The following TMEM94 variants were observed in gnomAD, a reference collection of about 807,000 sequenced individuals.
The protein encoded by TMEM94 is ER Mg2+ ATPase.
Under a neutral mutation model 158.6 loss-of-function variants are expected in TMEM94, and 81 were observed. The ratio of observed to expected loss-of-function variants is 0.51; its 90% CI spans 0.43 to 0.61. The LOEUF is 0.61. Among genes scored for constraint, TMEM94 ranks in the 20% least tolerant of loss-of-function variants. TMEM94 has a pLI of 0.00. For synonymous variants in TMEM94, 751 were observed against 730.7 expected (o/e 1.03, Z -0.45); for missense variants, 1,435 against 1,762.0 (o/e 0.81, Z 3.32).
At chr17:75,490,408 G>GGC in intron 10 of TMEM94, 58 bp downstream of exon 10, 1 of 1,573,088 alleles carries the variant, frequency 6.4e-7, no homozygotes, top group Non-Finnish European at 8.6e-7. Flanking sequence ...GGAGCTGGCT[G>GGC]TGCCAGAGGA....
Position 75,489,026 on chromosome 17 carries a change from T to G in TMEM94, c.764+116T>G. ...GGTTCTCTTGAGGGCAGGCATCTCC[T>G]TAGGCTCCTGTCCTTAACATCTTGT... is the stretch of plus-strand genomic sequence containing the variant. On this transcript the variant is annotated intron_variant, in intron 7 of 31. Transcript: ENST00000314256. This position sits in a 1 kb window ranked among gnomAD's most constrained non-coding sequence, Gnocchi z 5.0. 1 of 1,139,792 alleles carries G rather than the reference T, an allele frequency of 8.8e-7. No individual in the cohort carries two copies. The highest frequency in any genetic ancestry group is 1.3e-6 in the Non-Finnish European group (1 of 793,890). 70.6% of individuals were successfully genotyped at this position (1,139,792 alleles called of 1,614,324 possible). A position where few individuals can be genotyped will look rare whatever the true frequency, so the allele number is the denominator to read the frequency against.
At chr17:75,496,176 C>T (rs761735248) in intron 23 of TMEM94, 102 bp downstream of exon 23, 11 of 1,547,602 alleles carry the variant, frequency 7.1e-6, no homozygotes, top group South Asian at 4.5e-5. Flanking sequence ...TAGCCGACCT[C>T]GCCCTGGCTG....
intron 1 of TMEM94, among the ~76,000 whole-genome samples, chr17:75,461,699 G>A (rs1412625389): frequency 1.3e-5 from 2 of 151,374 alleles, no homozygotes; most frequent in South Asian, 2.1e-4. Flanking sequence ...CGAGGTGGGC[G>A]GATCACGAAG....
At chr17:75,496,839 G>A (rs369423281) in intron 25 of TMEM94, 32 bp downstream of exon 25, 24 of 1,598,870 alleles carry the variant, frequency 1.5e-5, no homozygotes, top group East Asian at 4.5e-5. Flanking sequence ...CATTGCCCCC[G>A]TGCCACTCAC....
At position 75,498,401 on chromosome 17, in the gene TMEM94, C is replaced by T; in HGVS notation, c.3639-43C>T. 6.2e-7 allele frequency: 1 copy of T among 1,608,888 alleles called. No homozygotes were observed. The highest frequency in any genetic ancestry group is 8.5e-7 in the Non-Finnish European group (1 of 1,177,076). The stretch of plus-strand genomic sequence containing the variant: ...CTCCCTCCCCACCCCAGCCTACCTC[C>T]CTGCGGCCCTAGAGGGGCTGAGCCC... On this transcript the variant is annotated intron_variant, in intron 28 of 31. Transcript: ENST00000314256. This position sits in a 1 kb window ranked among gnomAD's most constrained non-coding sequence, Gnocchi z 6.7.
At position 75,498,529 on chromosome 17, in the gene TMEM94, C is replaced by T; in HGVS notation, c.3724C>T (p.Leu1242=). The stretch of plus-strand genomic sequence containing the variant: ...GAAGCTCACGGCCGCCCTGATTGTC[C>T]TGCACACTGGTGAGAGGGCTCCCTG... ...AQKLTAALIV[L]HTVFISITHV... The change falls in exon 29 of 32, where the codon CTG becomes TTG. Residue 1242 remains leucine (L), a synonymous_variant. Transcript: ENST00000314256. This position sits in a 1 kb window ranked among gnomAD's most constrained non-coding sequence, Gnocchi z 6.7. The T allele has an allele frequency of 6.2e-7, 1 of 1,609,488 alleles. No individual in the cohort carries two copies. Among genetic ancestry groups the T allele is most frequent in the Non-Finnish European group, 8.5e-7 (1 of 1,177,640 alleles).
At position 75,485,859 on chromosome 17, in the gene TMEM94, C is replaced by G. The variant is rs765382461; in HGVS notation, c.145-12C>G. ...GGCCTCTCATTGTCCCCTCCCTGTC[C>G]GAACTTCCCAGGAGGTGTGGAGAAG... On this transcript the variant is annotated splice_polypyrimidine_tract_variant and intron_variant, in intron 3 of 31. Transcript: ENST00000314256. The surrounding 1 kb of genome is among the most constrained non-coding windows in gnomAD (Gnocchi z 5.5). 6.2e-7 allele frequency: 1 copy of G among 1,604,974 alleles called. No individual in the cohort carries two copies. Among genetic ancestry groups the G allele is most frequent in the Non-Finnish European group, 8.5e-7 (1 of 1,174,654 alleles).
At chr17:75,461,093 CTTTTTT>C (rs59878082) in intron 1 of TMEM94, among the ~76,000 whole-genome samples, 3 of 69,636 alleles carry the variant, frequency 4.3e-5, no homozygotes, top group African/African-American at 1.7e-4. Context: ...TTGCGATTGG[CTTTTTT>C]TTTTTTTTTT....
chr17:75,471,063 C>T (rs2050482738), intron 1 of TMEM94, among the ~76,000 whole-genome samples: 1 of 151,380 alleles, frequency 6.6e-6, no homozygotes, highest in Admixed American at 6.6e-5. Context: ...ATGGTGAAAC[C>T]CCGTCTTTAC....
At chr17:75,467,219 C>G (rs556289068) in intron 1 of TMEM94, among the ~76,000 whole-genome samples, 1 of 152,148 alleles carries the variant, frequency 6.6e-6, no homozygotes, top group Non-Finnish European at 1.5e-5. Flanking sequence ...AGGTGATCCA[C>G]CCACCTCAGC....
intron 2 of TMEM94, among the ~76,000 whole-genome samples, chr17:75,480,000 T>A (rs1429546728): frequency 6.6e-6 from 1 of 151,422 alleles, no homozygotes; most frequent in African/African-American, 2.4e-5. Context: ...GTGGGAGAAT[T>A]GCTTGAGCCC....
At chr17:75,470,979 C>T (rs6501808) in intron 1 of TMEM94, among the ~76,000 whole-genome samples, 83,070 of 150,622 alleles carry the variant, frequency 0.55, 26,061 homozygotes, top group Non-Finnish European at 0.71. Context: ...TGGCTCACGC[C>T]TGTAATCCCA....
At position 75,485,677 on chromosome 17, in the gene TMEM94, C is replaced by A; in HGVS notation, c.144+130C>A. The A allele has an allele frequency of 1.3e-5, 18 of 1,404,588 alleles. No individual in the cohort carries two copies. The South Asian group carries it at 2.2e-4, about 17-fold the overall frequency. The allele number at this position is 1,404,588 out of a possible 1,614,324, so 87.0% of individuals were successfully genotyped here. On this transcript the variant is annotated intron_variant, in intron 3 of 31. Transcript: ENST00000314256. The surrounding 1 kb of genome is among the most constrained non-coding windows in gnomAD (Gnocchi z 5.5). ...ACCCAACTGAGGCCTCATGAAATAT[C>A]AGAAAGAAGCCAAGGTTCCCCTCAG...
At chr17:75,472,155 A>G (rs1403683841) in intron 2 of TMEM94, among the ~76,000 whole-genome samples, 1 of 152,212 alleles carries the variant, frequency 6.6e-6, no homozygotes, top group Non-Finnish European at 1.5e-5. Context: ...ACACAACCGC[A>G]TGGGAGCAGG....
At position 75,470,130 on chromosome 17, in the gene TMEM94, A is replaced by G. The variant is rs375849109; in HGVS notation, c.-106-1670A>G. Among the ~76,000 whole-genome samples the G allele has an allele frequency of 4.6e-5, 7 of 152,276 alleles. 1 individual carries two copies. The highest frequency in any genetic ancestry group is 1.9e-4 in the East Asian group (1 of 5,174). On this transcript the variant is annotated intron_variant, in intron 1 of 31. Transcript: ENST00000314256. ...CCTGCATGCTGTAATTCAGTGATAAACAGAGTACATATGGAACAAAACACA... is the reference window on the plus strand; with the variant it reads ...CCTGCATGCTGTAATTCAGTGATAAGCAGAGTACATATGGAACAAAACACA...
intron 5 of TMEM94, among the ~76,000 whole-genome samples, chr17:75,486,728 A>G (rs553265515): frequency 2.6e-5 from 4 of 152,046 alleles, no homozygotes; most frequent in Non-Finnish European, 5.9e-5. Context: ...TGGCAGGAGG[A>G]TGATTGAAGT....
Position 75,492,264 on chromosome 17 carries a change from T to A in TMEM94, c.1597-210T>A. ...CTCCTGCCAGTGTCATGAGATATAT[T>A]AATAGTCCATAGAAGCAGACAGGAG... is the stretch of plus-strand genomic sequence containing the variant. On this transcript the variant is annotated intron_variant, in intron 14 of 31. Transcript: ENST00000314256. The surrounding 1 kb of genome is among the most constrained non-coding windows in gnomAD (Gnocchi z 4.4). The A allele has an allele frequency of 7.0e-7, 1 of 1,425,922 alleles. No homozygotes were observed. Among genetic ancestry groups the A allele is most frequent in the South Asian group, 1.5e-5 (1 of 64,702 alleles). 88.3% of individuals were successfully genotyped at this position (1,425,922 alleles called of 1,614,324 possible). A position where few individuals can be genotyped will look rare whatever the true frequency, so the allele number is the denominator to read the frequency against.
intron 5 of TMEM94, among the ~76,000 whole-genome samples, chr17:75,486,703 G>T (rs1051005760): frequency 6.6e-6 from 1 of 152,234 alleles, no homozygotes; most frequent in South Asian, 2.1e-4. Context: ...AAACCAACAG[G>T]GAAGTCCTCT....
In TMEM94 at chr17:75,498,561, C is replaced by T. The variant is rs369055090; in HGVS notation, c.3733+23C>T. Reference sequence around the variant, plus strand: ...CTGGTGAGAGGGCTCCCTGGGAGGGCGTGGATGATGGTGGGAGAGGAGCCC... The same window carrying T: ...CTGGTGAGAGGGCTCCCTGGGAGGGTGTGGATGATGGTGGGAGAGGAGCCC... On this transcript the variant is annotated intron_variant, in intron 29 of 31. Transcript: ENST00000314256. This position sits in a 1 kb window ranked among gnomAD's most constrained non-coding sequence, Gnocchi z 6.7. The T allele has an allele frequency of 4.3e-6, 7 of 1,612,224 alleles. No individual in the cohort carries two copies. The African/African-American group carries it at 5.3e-5, about 12-fold the overall frequency.
Sources: gnomAD v4.1 joint callset for allele counts (sites outside exome capture counted in the v4.1 genomes callset) on GRCh38, gnomAD v4.1.1 for gene constraint, Gnocchi (gnomAD v3.1) non-coding constraint, MANE v1.5 for transcripts, NCBI Gene and HGNC (gene_info 2026-07-23, HGNC 2026-07-21) for gene names.